HMGA2: variants seen among roughly 807,000 people sequenced by gnomAD.
HMGA2 encodes high mobility group protein HMGI-C.
In HMGA2, 8 loss-of-function variants were observed where a neutral mutation model predicts 19.1. The ratio of observed to expected loss-of-function variants is 0.42; its 90% CI spans 0.25 to 0.76. The LOEUF is 0.76. HMGA2 is among the 30% of genes least tolerant of loss of function. The pLI, the probability that HMGA2 is intolerant of heterozygous loss-of-function variation, is 0.28. For missense variants in HMGA2, 109 were observed against 136.3 expected, an observed-to-expected ratio of 0.80 and a Z score of 1.00; for synonymous variants, 60 against 48.8, an observed-to-expected ratio of 1.23 and a Z score of -0.96.
chr12:65,957,552 T>G (rs1314218940), intron 4 of HMGA2: 1 of 152,236 alleles, frequency 6.6e-6, no homozygotes, highest in Non-Finnish European at 1.5e-5. Context: ...TAGCTATTTT[T>G]TTAAATGCAG....
intron 3 of HMGA2, among the ~76,000 whole-genome samples, chr12:65,862,444 G>A (rs758629524): frequency 6.6e-6 from 1 of 152,084 alleles, no homozygotes; most frequent in African/African-American, 2.4e-5. Context: ...GTCTTAGGTA[G>A]TTCTACATTT....
At position 65,825,399 on chromosome 12, in the gene HMGA2, G is replaced by A. The variant is rs2120808495; in HGVS notation, c.111+18G>A. The stretch of plus-strand genomic sequence containing the variant: ...AGCAGCAAGTCAGTACGAGGGCGCG[G>A]TGGGGGCACCAGCCCACCCCGTCCC... On this transcript the variant is annotated intron_variant, in intron 1 of 4. Coordinates refer to ENST00000403681, the MANE Select transcript of HMGA2 (RefSeq NM_003483.6). This position sits in a 1 kb window ranked among gnomAD's most constrained non-coding sequence, Gnocchi z 4.4. 2 of 1,499,356 alleles carry A rather than the reference G, an allele frequency of 1.3e-6. No homozygotes were observed. Among genetic ancestry groups the A allele is most frequent in the Middle Eastern group, 2.1e-4 (1 of 4,730 alleles). The allele number at this position is 1,499,356 out of a possible 1,614,324, so 92.9% of individuals were successfully genotyped here. A position where few individuals can be genotyped will look rare whatever the true frequency, so the allele number is the denominator to read the frequency against.
At chr12:65,898,055 A>G (rs1180759899) in intron 3 of HMGA2, among the ~76,000 whole-genome samples, 1 of 151,786 alleles carries the variant, frequency 6.6e-6, no homozygotes, top group Non-Finnish European at 1.5e-5. Context: ...CTAATTCTTC[A>G]TTTTAATTTT....
rs530336744 is a variant in HMGA2 at position 65,854,874 on chromosome 12, C to A, written c.249+16305C>A. On this transcript the variant is annotated intron_variant, in intron 3 of 4. Transcript: ENST00000403681. The stretch of plus-strand genomic sequence containing the variant: ...GGGAGAGGAATTCTGGCCCATGGTT[C>A]CTGTCTTTGGCTGTGCAGTTACTCT... Among the ~76,000 whole-genome samples the A allele has an allele frequency of 2.0e-3, 306 of 152,292 alleles. 3 individuals are homozygous for A. The highest frequency in any genetic ancestry group is 7.3e-3 in the African/African-American group (302 of 41,574).
intron 3 of HMGA2, chr12:65,859,752 C>T (rs933255627): frequency 1.1e-5 from 2 of 177,782 alleles, no homozygotes; most frequent in Non-Finnish European, 2.5e-5. Flanking sequence ...GGGTTATGTC[C>T]TGATACACTC....
At chr12:65,898,847 A>G (rs1029254510) in intron 3 of HMGA2, among the ~76,000 whole-genome samples, 1 of 152,066 alleles carries the variant, frequency 6.6e-6, no homozygotes, top group African/African-American at 2.4e-5. Context: ...GATCGAGACC[A>G]TCCTGGATAA....
intron 3 of HMGA2, among the ~76,000 whole-genome samples, chr12:65,879,816 C>T (rs1873268671): frequency 6.6e-6 from 1 of 152,012 alleles, no homozygotes; most frequent in Non-Finnish European, 1.5e-5. Flanking sequence ...TGTATATATC[C>T]TTGGGTGGGA....
chr12:65,932,603 T>G (rs1875754890), intron 3 of HMGA2, among the ~76,000 whole-genome samples: 1 of 152,256 alleles, frequency 6.6e-6, no homozygotes, highest in South Asian at 2.1e-4. Flanking sequence ...TTAATTTGGG[T>G]GTAGGACCAG....
chr12:65,925,037 G>A (rs55876811), intron 3 of HMGA2, among the ~76,000 whole-genome samples: 1 of 152,242 alleles, frequency 6.6e-6, no homozygotes, highest in Non-Finnish European at 1.5e-5. Context: ...AAGCTTCCAA[G>A]CAGACCCTCC....
At chr12:65,897,088 T>A (rs1442216656) in intron 3 of HMGA2, among the ~76,000 whole-genome samples, 1 of 152,232 alleles carries the variant, frequency 6.6e-6, no homozygotes, top group Non-Finnish European at 1.5e-5. Flanking sequence ...ACTATTTTTT[T>A]AAAGTTTTTA....
intron 2 of HMGA2, 110 bp from the exon 3 acceptor site, chr12:65,838,409 G>A: frequency 1.3e-5 from 9 of 702,278 alleles, no homozygotes; most frequent in Admixed American, 5.6e-5. Flanking sequence ...AAAAAAAACC[G>A]ATACGTCATC....
intron 3 of HMGA2, among the ~76,000 whole-genome samples, chr12:65,849,140 T>C (rs1871349826): frequency 6.6e-6 from 1 of 152,226 alleles, no homozygotes; most frequent in Admixed American, 6.5e-5. Flanking sequence ...GCAGTTTGTG[T>C]CAGAAGCTGA....
chr12:65,944,916 A>G (rs2121299012), intron 3 of HMGA2, among the ~76,000 whole-genome samples: 1 of 150,658 alleles, frequency 6.6e-6, no homozygotes, highest in African/African-American at 2.5e-5. Flanking sequence ...ATTGGAATGC[A>G]GTGACTACTC....
intron 3 of HMGA2, among the ~76,000 whole-genome samples, chr12:65,946,890 T>C (rs1247271549): frequency 1.3e-5 from 2 of 152,222 alleles, no homozygotes; most frequent in Non-Finnish European, 2.9e-5. Context: ...AAATATGTCC[T>C]TTCCTTTTGC....
intron 3 of HMGA2, among the ~76,000 whole-genome samples, chr12:65,852,093 T>G (rs920141077): frequency 6.7e-6 from 1 of 149,970 alleles, no homozygotes; most frequent in Non-Finnish European, 1.5e-5. Context: ...ATTTGTACTT[T>G]GTACAAATTT....
chr12:65,876,455 T>C (rs529064395), intron 3 of HMGA2, among the ~76,000 whole-genome samples: 2 of 152,332 alleles, frequency 1.3e-5, no homozygotes, highest in South Asian at 4.1e-4. Context: ...TTACTTTGCA[T>C]AAGGCAATTG....
chr12:65,951,635 C>A, intron 4 of HMGA2: 2 of 419,956 alleles, frequency 4.8e-6, no homozygotes, highest in East Asian at 3.8e-5. Context: ...GTGTACAAAG[C>A]AAATATAAAT....
rs530740401 is a variant in HMGA2, at chr12:65,949,231, T to C, written c.250-2152T>C. 2.8e-4 allele frequency among the ~76,000 whole-genome samples: 43 copies of C among 152,246 alleles called. 1 individual carries two copies. In the South Asian group the frequency reaches 7.9e-3, roughly 28 times the overall value. On this transcript the variant is annotated intron_variant, in intron 3 of 4. Transcript: ENST00000403681. ...GTCAAATGGAAGAACGTCTTTTCCTTTGAGCAAAAGTACCTTGCCATTTAT... is the reference window on the plus strand; with the variant it reads ...GTCAAATGGAAGAACGTCTTTTCCTCTGAGCAAAAGTACCTTGCCATTTAT...
At position 65,887,816 on chromosome 12, in the gene HMGA2, G is replaced by A. The variant is rs537468086; in HGVS notation, c.249+49247G>A. Among the ~76,000 whole-genome samples, 64 of 150,964 alleles carry A rather than the reference G, an allele frequency of 4.2e-4. 1 individual carries two copies. The South Asian group carries it at 0.011, about 26-fold the overall frequency. On this transcript the variant is annotated intron_variant, in intron 3 of 4. Transcript: ENST00000403681. ...AATATTAAGGATTCTTTGGAGTTGC[G>A]TCATTAGGAGCTTTACAGTAAGATA...
Sources: gnomAD v4.1 joint callset for allele counts (sites outside exome capture counted in the v4.1 genomes callset) on GRCh38, gnomAD v4.1.1 for gene constraint, Gnocchi (gnomAD v3.1) non-coding constraint, MANE v1.5 for transcripts, NCBI Gene and HGNC (gene_info 2026-07-23, HGNC 2026-07-21) for gene names.